Variants in FNIP1 observed in about 807,000 individuals in gnomAD.
FNIP1 encodes the protein folliculin interacting protein 1.
FNIP1 carries 40 observed loss-of-function variants against 124.5 expected under a neutral mutation model. The observed-to-expected ratio is 0.32, with a 90% CI of 0.25 to 0.42. The LOEUF (loss-of-function observed/expected upper bound fraction) is 0.42. FNIP1 is among the 10% of genes least tolerant of loss of function. FNIP1 has a pLI of 1.00. For synonymous variants in FNIP1, 472 were observed against 470.6 expected (o/e 1.00, Z -0.04); for missense variants, 1,176 against 1,403.7 (o/e 0.84, Z 2.59).
chr5:131,790,741 A>G (rs1381406931), intron 1 of FNIP1, among the ~76,000 whole-genome samples: 1 of 152,238 alleles, frequency 6.6e-6, no homozygotes, highest in African/African-American at 2.4e-5. Flanking sequence ...TCTGGAAGAA[A>G]TCAGAAAAGG....
intron 11 of FNIP1, among the ~76,000 whole-genome samples, chr5:131,693,934 C>T (rs370630929): frequency 1.5e-4 from 23 of 151,930 alleles, no homozygotes; most frequent in Admixed American, 3.3e-4. Context: ...GACACTTCAC[C>T]GAAAAAGATA....
At chr5:131,733,069 G>T (rs1329033063) in intron 2 of FNIP1, among the ~76,000 whole-genome samples, 1 of 151,916 alleles carries the variant, frequency 6.6e-6, no homozygotes, top group Non-Finnish European at 1.5e-5. Flanking sequence ...GGATTCCTAG[G>T]TATTTTATTC....
chr5:131,652,275 A>C (rs949541498), intron 15 of FNIP1, among the ~76,000 whole-genome samples: 4 of 152,228 alleles, frequency 2.6e-5, no homozygotes, highest in Admixed American at 1.3e-4. Flanking sequence ...ATCATTCATT[A>C]ATTTGACAAA....
chr5:131,744,590 T>C lies in FNIP1; in HGVS notation c.193A>G (p.Arg65Gly), dbSNP rs751451418. ...GATACTGATATGTCCTCATTTCTTC[T>C]CTTAACACTGGAGTCAAACAAAACA... ...RNVLFDSSVK[R>G]RNEDISVSKL... Residue 65 changes from arginine to glycine, a missense_variant, in exon 2 of 18, where the codon AGA (arginine) becomes GGA (glycine). Transcript: ENST00000510461. The C allele has an allele frequency of 3.7e-6, 6 of 1,608,928 alleles. No individual in the cohort carries two copies. The highest frequency in any genetic ancestry group is 5.1e-6 in the Non-Finnish European group (6 of 1,177,444).
At chr5:131,680,471 G>A (rs987469258) in intron 11 of FNIP1, among the ~76,000 whole-genome samples, 3 of 152,108 alleles carry the variant, frequency 2.0e-5, no homozygotes, top group African/African-American at 7.2e-5. Flanking sequence ...TACAAACTAG[G>A]CATATATGAA....
intron 5 of FNIP1, among the ~76,000 whole-genome samples, chr5:131,718,389 G>A (rs1769541588): frequency 6.6e-6 from 1 of 152,158 alleles, no homozygotes. Flanking sequence ...ACTAGCCAAT[G>A]AGTCTTGCTC....
chr5:131,749,741 GAT>G (rs1364542813), intron 1 of FNIP1, among the ~76,000 whole-genome samples: 4 of 151,912 alleles, frequency 2.6e-5, no homozygotes, highest in Non-Finnish European at 5.9e-5. Flanking sequence ...TCTATGTTTG[GAT>G]ATGTTTAGAT....
At chr5:131,694,269 G>T (rs533882104) in intron 11 of FNIP1, among the ~76,000 whole-genome samples, 1 of 152,182 alleles carries the variant, frequency 6.6e-6, no homozygotes, top group South Asian at 2.1e-4. Flanking sequence ...CCCCAAACAT[G>T]AATATTTATG....
Position 131,718,962 on chromosome 5 carries a change from C to A in FNIP1, c.530+24G>T, listed in dbSNP as rs1376053676. 1.9e-6 allele frequency: 3 copies of A among 1,584,102 alleles called. No homozygotes were observed. In the Admixed American group the frequency reaches 5.0e-5, roughly 26 times the overall value. On this transcript the variant is annotated intron_variant, in intron 5 of 17. Transcript: ENST00000510461. ...TTTGCACATCTAAAGTGATACATTT[C>A]CCCCTGTATCCATAAGCACTTACGT...
At chr5:131,759,269 AC>A (rs1340813245) in intron 1 of FNIP1, among the ~76,000 whole-genome samples, 1 of 152,176 alleles carries the variant, frequency 6.6e-6, no homozygotes, top group Non-Finnish European at 1.5e-5. Flanking sequence ...ATTAAACTAA[AC>A]AGCTTCTGCA....
rs1319760867 is a variant in FNIP1 at position 131,787,614 on chromosome 5, C to T, written c.92+9216G>A. On this transcript the variant is annotated intron_variant, in intron 1 of 17. Coordinates refer to ENST00000510461, the MANE Select transcript of FNIP1 (RefSeq NM_133372.3). ...TAGCCACGTGACATGGGGTAAGATA[C>T]TTAATTTCTCTGTGCCTGTTTCCTC... is the stretch of plus-strand genomic sequence containing the variant. Among the ~76,000 whole-genome samples the T allele has an allele frequency of 1.9e-4, 29 of 152,306 alleles. 1 individual carries two copies. Among genetic ancestry groups the T allele is most frequent in the Non-Finnish European group, 5.9e-5 (4 of 68,014 alleles).
At chr5:131,765,329 C>T (rs183119816) in intron 1 of FNIP1, among the ~76,000 whole-genome samples, 1 of 152,242 alleles carries the variant, frequency 6.6e-6, no homozygotes, top group Admixed American at 6.5e-5. Context: ...ATTCATATTA[C>T]ATGGGTTTAT....
intron 1 of FNIP1, among the ~76,000 whole-genome samples, chr5:131,750,000 T>C (rs1298677887): frequency 6.6e-6 from 1 of 152,130 alleles, no homozygotes; most frequent in African/African-American, 2.4e-5. Flanking sequence ...ATAGAAAACA[T>C]AAGATTTCCA....
chr5:131,687,896 T>C (rs893333331), intron 11 of FNIP1, among the ~76,000 whole-genome samples: 6 of 152,066 alleles, frequency 3.9e-5, no homozygotes, highest in African/African-American at 7.2e-5. Flanking sequence ...CGGACAGAGG[T>C]AGTGACAAAG....
chr5:131,693,333 C>CATATATATATATATATATACATATATAT (rs1768564661), intron 11 of FNIP1, among the ~76,000 whole-genome samples: 2 of 50,122 alleles, frequency 4.0e-5, no homozygotes, highest in African/African-American at 1.4e-4. Context: ...TATATATATA[C>CATATATATATATATATATACATATATAT]ATATATATAT....
At chr5:131,763,445 C>T (rs961245854) in intron 1 of FNIP1, among the ~76,000 whole-genome samples, 1 of 152,164 alleles carries the variant, frequency 6.6e-6, no homozygotes, top group Non-Finnish European at 1.5e-5. Flanking sequence ...AAATGCCTTA[C>T]AGTTCTGTAG....
At chr5:131,669,672 G>A (rs955526389) in intron 15 of FNIP1, among the ~76,000 whole-genome samples, 3 of 151,906 alleles carry the variant, frequency 2.0e-5, no homozygotes, top group African/African-American at 4.8e-5. Flanking sequence ...AAACCAAACC[G>A]TCTCAAAACT....
intron 8 of FNIP1, 88 bp from the exon 9 acceptor site, chr5:131,706,634 A>G (rs560956505): frequency 7.7e-7 from 1 of 1,302,238 alleles, no homozygotes; most frequent in East Asian, 2.7e-5. Context: ...AAATAGGTTA[A>G]GTTAAACTTT....
intron 3 of FNIP1, among the ~76,000 whole-genome samples, chr5:131,727,342 T>C (rs903095726): frequency 6.6e-6 from 1 of 152,188 alleles, no homozygotes; most frequent in East Asian, 1.9e-4. Context: ...TTGTACTGGG[T>C]GCATATATAC....
Sources: gnomAD v4.1 joint callset for allele counts (sites outside exome capture counted in the v4.1 genomes callset) on GRCh38, gnomAD v4.1.1 for gene constraint, MANE v1.5 for transcripts, NCBI Gene and HGNC (gene_info 2026-07-23, HGNC 2026-07-21) for gene names.